The following SPMIP7 variants were observed in gnomAD, a reference collection of about 807,000 sequenced individuals.
The protein encoded by SPMIP7 is protein SPMIP7.
the SPMIP7 span, chr7:50,120,474 C>T: frequency 6.6e-6 from 1 of 152,180 alleles, no homozygotes; most frequent in Non-Finnish European, 1.5e-5. Context: ...CTCTTCTTGG[C>T]TTATGTTGGG....
At chr7:50,098,045 A>G in the SPMIP7 span, among the ~76,000 whole-genome samples, 1 of 152,190 alleles carries the variant, frequency 6.6e-6, no homozygotes, top group African/African-American at 2.4e-5. Flanking sequence ...GAAACAATTA[A>G]TTGTAAATGA....
the SPMIP7 span, among the ~76,000 whole-genome samples, chr7:50,123,146 A>G: frequency 7.8e-5 from 10 of 128,804 alleles, no homozygotes; most frequent in African/African-American, 3.1e-4. Context: ...TATTCACAAT[A>G]GCAAAGACTT....
At chr7:50,106,485 G>A in the SPMIP7 span, among the ~76,000 whole-genome samples, 1 of 152,166 alleles carries the variant, frequency 6.6e-6, no homozygotes, top group Non-Finnish European at 1.5e-5. Context: ...TCCTGAACTA[G>A]GATGAAGGTG....
chr7:50,103,472 A>G, the SPMIP7 span, among the ~76,000 whole-genome samples: 1 of 152,082 alleles, frequency 6.6e-6, no homozygotes. Context: ...CTGACCTTGG[A>G]CTATTTCTTT....
At chr7:50,152,844 G>A in the SPMIP7 span, among the ~76,000 whole-genome samples, 4 of 152,026 alleles carry the variant, frequency 2.6e-5, no homozygotes, top group Non-Finnish European at 4.4e-5. Flanking sequence ...GCACTATCAC[G>A]CCCAGCTAAT....
chr7:50,096,727 A>C, the SPMIP7 span: 762 of 1,043,684 alleles, frequency 7.3e-4, 1 homozygote, highest in Middle Eastern at 2.0e-3. Context: ...CAGTTAAATT[A>C]ACAAAATTAC....
the SPMIP7 span, among the ~76,000 whole-genome samples, chr7:50,145,648 A>G: frequency 4.5e-5 from 5 of 111,300 alleles, 1 homozygote; most frequent in South Asian, 2.8e-4. Flanking sequence ...ATATATATAT[A>G]TATATATATA....
At chr7:50,096,451 C>T in the SPMIP7 span, 1 of 1,551,690 alleles carries the variant, frequency 6.4e-7, no homozygotes, top group South Asian at 1.2e-5. Flanking sequence ...TAAATCCTGG[C>T]ATTGGCAGAA....
the SPMIP7 span, among the ~76,000 whole-genome samples, chr7:50,153,293 G>A: frequency 6.6e-6 from 1 of 152,172 alleles, no homozygotes; most frequent in Admixed American, 6.5e-5. Flanking sequence ...GCTCTGATCA[G>A]CTTCTTAAAA....
the SPMIP7 span, among the ~76,000 whole-genome samples, chr7:50,108,289 G>T: frequency 2.2e-4 from 33 of 152,246 alleles, no homozygotes; most frequent in East Asian, 6.0e-3. Flanking sequence ...ATAGCCACTA[G>T]AAAGTGAAGA....
chr7:50,108,974 A>G, the SPMIP7 span, among the ~76,000 whole-genome samples: 1 of 152,186 alleles, frequency 6.6e-6, no homozygotes, highest in Non-Finnish European at 1.5e-5. Flanking sequence ...TGCTGTTATT[A>G]GACACCTGTT....
At chr7:50,157,437 TG>T in the SPMIP7 span, among the ~76,000 whole-genome samples, 1 of 152,204 alleles carries the variant, frequency 6.6e-6, no homozygotes, top group Non-Finnish European at 1.5e-5. Context: ...CAGTGTTTCT[TG>T]CCCACACCCT....
chr7:50,099,708 T>C, the SPMIP7 span, among the ~76,000 whole-genome samples: 2 of 152,160 alleles, frequency 1.3e-5, no homozygotes, highest in Admixed American at 6.5e-5. Context: ...CATTATCCCA[T>C]AGGCAACTAG....
the SPMIP7 span, among the ~76,000 whole-genome samples, chr7:50,107,750 C>T: frequency 3.9e-5 from 6 of 152,138 alleles, no homozygotes; most frequent in Non-Finnish European, 7.4e-5. Flanking sequence ...GAGGCATCCC[C>T]TTACATTCTC....
chr7:50,097,195 T>C, the SPMIP7 span, among the ~76,000 whole-genome samples: 8 of 152,330 alleles, frequency 5.3e-5, no homozygotes, highest in Non-Finnish European at 8.8e-5. Context: ...TAAGAACTCC[T>C]GTAAATGGAG....
the SPMIP7 span, among the ~76,000 whole-genome samples, chr7:50,114,534 A>T: frequency 3.9e-5 from 6 of 152,138 alleles, no homozygotes; most frequent in Non-Finnish European, 5.9e-5. Context: ...TTTTTAAAGC[A>T]TATGTAGTAA....
At chr7:50,129,405 A>C in the SPMIP7 span, among the ~76,000 whole-genome samples, 3 of 152,050 alleles carry the variant, frequency 2.0e-5, no homozygotes. Context: ...ACGTTCTAAA[A>C]TTTTTTTAAT....
the SPMIP7 span, among the ~76,000 whole-genome samples, chr7:50,157,320 T>A: frequency 6.6e-6 from 1 of 152,160 alleles, no homozygotes; most frequent in East Asian, 1.9e-4. Context: ...AGTGAGTAGA[T>A]GGGATGTGTT....
chr7:50,121,024 C>T, the SPMIP7 span, among the ~76,000 whole-genome samples: 1 of 152,300 alleles, frequency 6.6e-6, no homozygotes, highest in Middle Eastern at 3.4e-3. Flanking sequence ...TGGCCTCCCT[C>T]CTGTGTTATA....
Sources: allele counts gnomAD v4.1 joint callset (sites outside exome capture counted in the v4.1 genomes callset), GRCh38; gene constraint gnomAD v4.1.1; transcripts MANE v1.5; gene names NCBI Gene and HGNC (gene_info 2026-07-23, HGNC 2026-07-21).